The following OR8B3 variants were observed in gnomAD, a reference collection of about 807,000 sequenced individuals.
OR8B3 encodes olfactory receptor 8B3.
For synonymous variants in OR8B3, 102 were observed against 135.4 expected, an observed-to-expected ratio of 0.75 and a Z score of 1.71; for missense variants, 278 against 377.6, an observed-to-expected ratio of 0.74 and a Z score of 2.19.
At chr11:124,409,565 A>G in the OR8B3 span, among the ~76,000 whole-genome samples, 1 of 152,254 alleles carries the variant, frequency 6.6e-6, no homozygotes, top group African/African-American at 2.4e-5. Flanking sequence ...TTTTGTGTTC[A>G]GAGAATCTTC....
At chr11:124,400,136 C>T (rs1860967963), upstream of OR8B3, among the ~76,000 whole-genome samples, 1 of 152,116 alleles carries the variant, frequency 6.6e-6, no homozygotes. Flanking sequence ...GGTGGGACTA[C>T]AGGAGTGAGT....
In OR8B3 at chr11:124,398,943, A is replaced by G. The variant is rs1185844979; in HGVS notation, c.-271T>C. 2 of 152,224 alleles carry G rather than the reference A, an allele frequency of 1.3e-5. 1 individual carries two copies. The allele number at this position is 152,224 out of a possible 1,614,324, so 9.4% of individuals were successfully genotyped here. ...TTGTTGGAAAACTGCACTTCAAACCAGAGCTACCATGTCATAGAGCACATG... is the reference window on the plus strand; with the variant it reads ...TTGTTGGAAAACTGCACTTCAAACCGGAGCTACCATGTCATAGAGCACATG... On this transcript the variant is annotated 5_prime_UTR_variant, in exon 1 of 2. Transcript: ENST00000641139.
chr11:124,406,425 C>A, the OR8B3 span, among the ~76,000 whole-genome samples: 2 of 152,022 alleles, frequency 1.3e-5, no homozygotes, highest in Non-Finnish European at 1.5e-5. Context: ...AAAACGTGAA[C>A]CTTTTCCCTG....
the OR8B3 span, among the ~76,000 whole-genome samples, chr11:124,408,909 C>T: frequency 2.0e-4 from 30 of 152,156 alleles, no homozygotes; most frequent in Non-Finnish European, 4.4e-4. Context: ...AATAGGACTG[C>T]AGAACAACCT....
upstream of OR8B3, among the ~76,000 whole-genome samples, chr11:124,400,488 C>T (rs904423300): frequency 6.6e-6 from 1 of 152,038 alleles, no homozygotes; most frequent in African/African-American, 2.4e-5. Context: ...ATTCCCCTCA[C>T]CCCCAGCCTC....
At chr11:124,406,456 A>G in the OR8B3 span, among the ~76,000 whole-genome samples, 1 of 152,068 alleles carries the variant, frequency 6.6e-6, no homozygotes, top group Non-Finnish European at 1.5e-5. Flanking sequence ...GAACACTTTT[A>G]TTTTATGTGT....
chr11:124,399,037 C>T (rs1421595674), upstream of OR8B3: 2 of 152,338 alleles, frequency 1.3e-5, no homozygotes, highest in East Asian at 1.9e-4. Context: ...CTCTCAGGAC[C>T]TCCCCTACCA....
At chr11:124,406,416 A>T in the OR8B3 span, among the ~76,000 whole-genome samples, 1 of 152,264 alleles carries the variant, frequency 6.6e-6, no homozygotes, top group African/African-American at 2.4e-5. Context: ...TATATATATA[A>T]AACGTGAACC....
chr11:124,408,703 T>A, the OR8B3 span, among the ~76,000 whole-genome samples: 6 of 152,136 alleles, frequency 3.9e-5, no homozygotes, highest in African/African-American at 1.4e-4. Context: ...TCTACTATTT[T>A]AGGGAGCTGC....
At chr11:124,408,414 T>C in the OR8B3 span, among the ~76,000 whole-genome samples, 2 of 152,244 alleles carry the variant, frequency 1.3e-5, no homozygotes, top group African/African-American at 2.4e-5. Flanking sequence ...TTAATAAGTT[T>C]CTTTTGCTAA....
At chr11:124,407,016 T>A in the OR8B3 span, among the ~76,000 whole-genome samples, 3 of 152,288 alleles carry the variant, frequency 2.0e-5, no homozygotes, top group East Asian at 5.8e-4. Context: ...TCTCATTTGC[T>A]TTGATAGTCT....
At chr11:124,403,572 G>T (rs1180469701), upstream of OR8B3, among the ~76,000 whole-genome samples, 3 of 151,882 alleles carry the variant, frequency 2.0e-5, no homozygotes, top group Non-Finnish European at 2.9e-5. Flanking sequence ...GGGCAGAGAC[G>T]ATCCTCACTT....
chr11:124,407,122 T>G, the OR8B3 span, among the ~76,000 whole-genome samples: 3 of 152,158 alleles, frequency 2.0e-5, no homozygotes, highest in Admixed American at 6.5e-5. Context: ...AGCTGATATT[T>G]CAAAAATTTC....
the OR8B3 span, among the ~76,000 whole-genome samples, chr11:124,406,320 A>G: frequency 1.3e-5 from 2 of 152,200 alleles, no homozygotes; most frequent in African/African-American, 4.8e-5. Flanking sequence ...TAAATGATTT[A>G]GTACATGGAA....
upstream of OR8B3, among the ~76,000 whole-genome samples, chr11:124,400,620 C>G (rs1860979362): frequency 6.6e-6 from 1 of 152,130 alleles, no homozygotes; most frequent in South Asian, 2.1e-4. Context: ...CTCACGGAAG[C>G]CTTGGCCTCC....
At chr11:124,407,538 A>G in the OR8B3 span, among the ~76,000 whole-genome samples, 1 of 152,078 alleles carries the variant, frequency 6.6e-6, no homozygotes, top group African/African-American at 2.4e-5. Context: ...TTCAGTGTTC[A>G]CCTAATGTCA....
the OR8B3 span, among the ~76,000 whole-genome samples, chr11:124,408,596 A>G: frequency 6.6e-6 from 1 of 152,192 alleles, no homozygotes; most frequent in Non-Finnish European, 1.5e-5. Flanking sequence ...AACCAAGCAC[A>G]TCAGAAAAAT....
rs1860943532 is a variant in OR8B3 at position 124,398,916 on chromosome 11, G to A, written c.-244C>T. 1 of 152,096 alleles carries A rather than the reference G, an allele frequency of 6.6e-6. No homozygotes were observed. Among genetic ancestry groups the A allele is most frequent in the Non-Finnish European group, 1.5e-5 (1 of 68,004 alleles). The allele number at this position is 152,096 out of a possible 1,614,324, so 9.4% of individuals were successfully genotyped here. A position where few individuals can be genotyped will look rare whatever the true frequency, so the allele number is the denominator to read the frequency against. On this transcript the variant is annotated 5_prime_UTR_variant, in exon 1 of 2. Transcript: ENST00000641139. ...TATTATTTATAAATTTGCCAAGAGG[G>A]TTTGTTGGAAAACTGCACTTCAAAC...
chr11:124,403,375 A>AG (rs1428878640), upstream of OR8B3, among the ~76,000 whole-genome samples: 1 of 151,534 alleles, frequency 6.6e-6, no homozygotes, highest in Non-Finnish European at 1.5e-5. Context: ...TGCCGGGCGG[A>AG]GGGGCTCCTC....
Sources: gnomAD v4.1 joint callset for allele counts (sites outside exome capture counted in the v4.1 genomes callset) on GRCh38, gnomAD v4.1.1 for gene constraint, MANE v1.5 for transcripts, NCBI Gene and HGNC (gene_info 2026-07-23, HGNC 2026-07-21) for gene names.